The following VPS51 variants were observed in gnomAD, a reference collection of about 807,000 sequenced individuals.
The protein encoded by VPS51 is vacuolar protein sorting-associated protein 51 homolog.
A neutral mutation model predicts 65.1 loss-of-function variants in VPS51; 55 were observed. The observed-to-expected ratio is 0.84, with a 90% CI of 0.68 to 1.06. The LOEUF is 1.06. Among genes scored for constraint, VPS51 ranks in the 50% least tolerant of loss-of-function variants. VPS51 has a pLI of 0.00. For missense variants in VPS51, 943 were observed against 1,101.6 expected, an observed-to-expected ratio of 0.86 and a Z score of 2.04; for synonymous variants, 473 against 489.5, an observed-to-expected ratio of 0.97 and a Z score of 0.44.
At chr11:65,100,407 A>G (rs1215671742) in intron 2 of VPS51, among the ~76,000 whole-genome samples, 1 of 152,098 alleles carries the variant, frequency 6.6e-6, no homozygotes, top group East Asian at 1.9e-4. Context: ...CAGTTTGACC[A>G]TTCTTCAAAA....
Position 65,108,250 on chromosome 11 carries a change from C to T in VPS51, c.779C>T (p.Ala260Val). Residue 260 changes from alanine (A) to valine (V), a missense_variant, in exon 5 of 10, where the codon GCC becomes GTC. This residue lies in a region of VPS51 where 855 missense variants were observed against 953.7 expected (regional missense o/e 0.90). Coordinates refer to ENST00000279281, the MANE Select transcript of VPS51 (RefSeq NM_013265.4). ...GCAGAGTGCGTGGAGCTGCTGCTGG[C>T]CCTGGGCGAGCCTGCGGAGGAGCTG... The part of the protein sequence containing the change: ...EQAECVELLL[A>V]LGEPAEELCE... 1 of 1,599,118 alleles carries T rather than the reference C, an allele frequency of 6.3e-7. No homozygotes were observed. Among genetic ancestry groups the T allele is most frequent in the Non-Finnish European group, 8.5e-7 (1 of 1,174,344 alleles).
Position 65,108,850 on chromosome 11 carries a change from C to T in VPS51, c.1379C>T (p.Ser460Phe), listed in dbSNP as rs1475765988. The T allele has an allele frequency of 1.2e-6, 2 of 1,612,910 alleles. No individual in the cohort carries two copies. The highest frequency in any genetic ancestry group is 1.3e-5 in the African/African-American group (1 of 74,944). Residue 460 changes from serine (S) to phenylalanine (F), a missense_variant, in exon 5 of 10, where the codon TCT becomes TTT. Transcript: ENST00000279281. ...ASSILSHIKA[S>F]LAAVHLFTAK... ...TCCATCCTGAGCCACATTAAGGCCT[C>T]TCTGGCAGCAGTGCACCTTTTCACC...
intron 2 of VPS51, among the ~76,000 whole-genome samples, chr11:65,102,186 T>G (rs1436689737): frequency 6.6e-6 from 1 of 151,982 alleles, no homozygotes; most frequent in African/African-American, 2.4e-5. Flanking sequence ...CTTGGCTAAT[T>G]ATTGTATTTT....
intron 2 of VPS51, among the ~76,000 whole-genome samples, chr11:65,104,510 A>T (rs1947829442): frequency 6.6e-6 from 1 of 152,226 alleles, no homozygotes; most frequent in South Asian, 2.1e-4. Flanking sequence ...AGATGTTGAA[A>T]TATCTATTAA....
intron 1 of VPS51, 172 bp downstream of exon 1, chr11:65,096,650 G>A: frequency 1.5e-6 from 1 of 649,536 alleles, no homozygotes. Flanking sequence ...CGTCTGAGGG[G>A]ATGTGAGTAG....
intron 2 of VPS51, among the ~76,000 whole-genome samples, chr11:65,100,208 A>G (rs1056335250): frequency 1.3e-5 from 2 of 152,228 alleles, no homozygotes; most frequent in Non-Finnish European, 2.9e-5. Context: ...AGAACATAAA[A>G]AGAACGTTTT....
intron 1 of VPS51, 158 bp downstream of exon 1, chr11:65,096,636 G>A (rs1386263038): frequency 3.1e-5 from 21 of 672,234 alleles, no homozygotes; most frequent in South Asian, 2.5e-4. Context: ...ACGAGCAGCT[G>A]AGGCGTCTGA....
In VPS51 at chr11:65,108,032, C is replaced by G. The variant is rs1414246588; in HGVS notation, c.725+10C>G. 6.6e-7 allele frequency: 1 copy of G among 1,506,582 alleles called. No homozygotes were observed. Among genetic ancestry groups the G allele is most frequent in the Non-Finnish European group, 8.9e-7 (1 of 1,129,300 alleles). The allele number at this position is 1,506,582 out of a possible 1,614,324, so 93.3% of individuals were successfully genotyped here. A position where few individuals can be genotyped will look rare whatever the true frequency, so the allele number is the denominator to read the frequency against. ...TGCGGCAGCGCTTTAGGTGTGGCCC[C>G]TCTGCCCTGACCCCAGCGCTCCCGC... On this transcript the variant is annotated intron_variant, in intron 4 of 9. Transcript: ENST00000279281.
At position 65,107,911 on chromosome 11, in the gene VPS51, G is replaced by T; in HGVS notation, c.614G>T (p.Arg205Leu). Residue 205 changes from arginine (R) to leucine (L), a missense_variant, in exon 4 of 10, where the codon CGC (arginine) becomes CTC (leucine). Arg to Leu is a moderately radical substitution (Grantham distance 102). Coordinates refer to ENST00000279281, the MANE Select transcript of VPS51 (RefSeq NM_013265.4). This position sits in a 1 kb window ranked among gnomAD's most constrained non-coding sequence, Gnocchi z 4.0. The part of the protein sequence containing the change: ...AYGQAVRYQG[R>L]AQAVLQQYQH... ...GGGCAGGCGGTGCGCTACCAGGGCC[G>T]CGCGCAGGCCGTGCTGCAGCAGTAC... 1.3e-6 allele frequency: 2 copies of T among 1,553,636 alleles called. No homozygotes were observed. The highest frequency in any genetic ancestry group is 1.2e-5 in the South Asian group (1 of 84,670).
Position 65,108,748 on chromosome 11 carries a change from G to C in VPS51, c.1277G>C (p.Arg426Pro), listed in dbSNP as rs1947864647. The change falls in exon 5 of 10, where the codon CGC becomes CCC. Residue 426 changes from arginine to proline, a missense_variant. By Grantham distance (103) the Arg-to-Pro change is moderately radical. Transcript: ENST00000279281. ...TTCCTGGGCTGCCTGACAGACGTCC[G>C]CCAGGCGCTGGCAGCACCTCGCGTG... ...AAFLGCLTDV[R>P]QALAAPRVAG... 6.2e-7 allele frequency: 1 copy of C among 1,611,452 alleles called. No individual in the cohort carries two copies. The highest frequency in any genetic ancestry group is 8.5e-7 in the Non-Finnish European group (1 of 1,179,796).
At position 65,107,443 on chromosome 11, in the gene VPS51, G is replaced by T. The variant is rs1005336399; in HGVS notation, c.359-138G>T. 4.9e-6 allele frequency: 5 copies of T among 1,022,864 alleles called. No individual in the cohort carries two copies. The South Asian group carries it at 6.5e-5, about 13-fold the overall frequency. The allele number at this position is 1,022,864 out of a possible 1,614,324, so 63.4% of individuals were successfully genotyped here. On this transcript the variant is annotated intron_variant, in intron 2 of 9. Transcript: ENST00000279281. The surrounding 1 kb of genome is among the most constrained non-coding windows in gnomAD (Gnocchi z 4.0). Reference sequence around the variant, plus strand: ...CATGTGCGCTGTGACCCACGCCCTCGCAGTCCTTTCTCTGGAATCATCCAT... The same window carrying T: ...CATGTGCGCTGTGACCCACGCCCTCTCAGTCCTTTCTCTGGAATCATCCAT...
chr11:65,108,978 C>T, intron 5 of VPS51, 64 bp downstream of exon 5: 1 of 1,566,222 alleles, frequency 6.4e-7, no homozygotes, highest in Non-Finnish European at 8.8e-7. Context: ...CCTTTTATGC[C>T]AGTGCTTGGG....
intron 7 of VPS51, 104 bp from the exon 8 acceptor site, chr11:65,110,378 A>G (rs1266403349): frequency 4.4e-6 from 7 of 1,585,586 alleles, no homozygotes; most frequent in Non-Finnish European, 5.2e-6. Context: ...TTACCCTGTG[A>G]TCCTTGTGAT....
chr11:65,098,514 T>TA (rs1162301348), intron 2 of VPS51, among the ~76,000 whole-genome samples: 1 of 152,240 alleles, frequency 6.6e-6, no homozygotes, highest in African/African-American at 2.4e-5. Context: ...CACCCACGTG[T>TA]AGTAAGTCCA....
At chr11:65,109,613 T>G in intron 6 of VPS51, 92 bp from the exon 7 acceptor site, 13 of 1,513,466 alleles carry the variant, frequency 8.6e-6, no homozygotes, top group Non-Finnish European at 1.2e-5. Flanking sequence ...AGCCTCCACC[T>G]TGCCCAATCT....
In VPS51 at chr11:65,110,543, C is replaced by A. The variant is rs1947887825; in HGVS notation, c.1940C>A (p.Thr647Asn). ...CAGAGCAGCGACTCCAGCAAGAGGA[C>A]TTTCTCCGTGTACAGCAGCTCTCGG... ...KAQSSDSSKRTFSVYSSSRQQ... is the reference protein window; with the variant it reads ...KAQSSDSSKRNFSVYSSSRQQ... The change falls in exon 8 of 10, where the codon ACT (threonine) becomes AAT (asparagine). Residue 647 changes from threonine (T) to asparagine (N), a missense_variant. Physicochemically the swap from Thr to Asn is moderately conservative, Grantham distance 65. Transcript: ENST00000279281. The A allele has an allele frequency of 6.2e-7, 1 of 1,614,034 alleles. No individual in the cohort carries two copies. Among genetic ancestry groups the A allele is most frequent in the Admixed American group, 1.7e-5 (1 of 60,018 alleles).
At position 65,107,772 on chromosome 11, in the gene VPS51, T is replaced by A; in HGVS notation, c.506-31T>A. 1 of 1,604,458 alleles carries A rather than the reference T, an allele frequency of 6.2e-7. No individual in the cohort carries two copies. Among genetic ancestry groups the A allele is most frequent in the Admixed American group, 1.7e-5 (1 of 59,706 alleles). On this transcript the variant is annotated intron_variant, in intron 3 of 9. Transcript: ENST00000279281. The surrounding 1 kb of genome is among the most constrained non-coding windows in gnomAD (Gnocchi z 4.0). ...GCCTGCAGTGGGCCTTTCCTGGGGC[T>A]CTGGGGCTAACGTCACCCTCCGTCC... is the stretch of plus-strand genomic sequence containing the variant.
In VPS51 at chr11:65,096,388, G is replaced by A; in HGVS notation, c.138G>A (p.Gly46=). The A allele has an allele frequency of 6.5e-7, 1 of 1,532,536 alleles. No homozygotes were observed. Among genetic ancestry groups the A allele is most frequent in the Non-Finnish European group, 8.7e-7 (1 of 1,148,562 alleles). The allele number at this position is 1,532,536 out of a possible 1,614,324, so 94.9% of individuals were successfully genotyped here. ...MLKLYYGLSE[G]EAAGRPAGPD... Reference sequence around the variant, plus strand: ...AGCTTTACTACGGCCTCTCGGAAGGGGAGGCGGCGGGACGCCCCGCGGGGC... The same window carrying A: ...AGCTTTACTACGGCCTCTCGGAAGGAGAGGCGGCGGGACGCCCCGCGGGGC... The change falls in exon 1 of 10, where the codon GGG becomes GGA. Residue 46 remains glycine (G), a synonymous_variant. Coordinates refer to ENST00000279281, the MANE Select transcript of VPS51 (RefSeq NM_013265.4).
At chr11:65,096,531 C>A (rs1175672143) in intron 1 of VPS51, 53 bp downstream of exon 1, 8 of 1,363,034 alleles carry the variant, frequency 5.9e-6, no homozygotes, top group Non-Finnish European at 7.9e-6. Flanking sequence ...GGGAACCAGG[C>A]CCCTGCTATA....
Sources: gnomAD v4.1 joint callset for allele counts (sites outside exome capture counted in the v4.1 genomes callset) on GRCh38, gnomAD v4.1.1 for gene constraint, gnomAD v4.1.1 regional missense constraint, Gnocchi (gnomAD v3.1) non-coding constraint, MANE v1.5 for transcripts, NCBI Gene and HGNC (gene_info 2026-07-23, HGNC 2026-07-21) for gene names.